MYO18B: variants seen among roughly 807,000 people sequenced by gnomAD.
MYO18B encodes the protein myosin XVIIIB.
MYO18B carries 204 observed loss-of-function variants against 273.0 expected under a neutral mutation model. That is an observed-to-expected ratio of 0.75 (90% CI 0.67 to 0.84). The LOEUF (loss-of-function observed/expected upper bound fraction) is 0.84, where lower values mean the gene tolerates loss of function less well. Ranked by LOEUF, MYO18B falls within the 40% of genes least tolerant of loss-of-function variation. The pLI, the probability that MYO18B is intolerant of heterozygous loss-of-function variation, is 0.00. For missense variants in MYO18B, 3,212 were observed against 3,287.6 expected, an observed-to-expected ratio of 0.98 and a Z score of 0.56; for synonymous variants, 1,330 against 1,305.7, an observed-to-expected ratio of 1.02 and a Z score of -0.40.
intron 22 of MYO18B, among the ~76,000 whole-genome samples, chr22:25,868,895 A>C (rs1451439910): frequency 1.3e-5 from 2 of 152,188 alleles, no homozygotes; most frequent in Admixed American, 1.3e-4. Context: ...GCTCTTCCAA[A>C]TATGCTCAGA....
At chr22:26,033,727 TCTCTTTTTCTCTCTTTCTCTCTCTCC>T (rs1936713478), downstream of MYO18B, among the ~76,000 whole-genome samples, 1 of 152,074 alleles carries the variant, frequency 6.6e-6, no homozygotes. Flanking sequence ...TTTCTTTCTT[TCTCTTTTTCTCTCTTTCTCTCTCTCC>T]CTCTTTTTCT....
At chr22:26,043,241 T>G in the MYO18B span, among the ~76,000 whole-genome samples, 1 of 152,214 alleles carries the variant, frequency 6.6e-6, no homozygotes, top group African/African-American at 2.4e-5. Context: ...GTAGTTTGTT[T>G]TTTTTATTGC....
At chr22:25,952,536 T>G in intron 38 of MYO18B, 113 bp downstream of exon 38, 1 of 1,361,524 alleles carries the variant, frequency 7.3e-7, no homozygotes. Flanking sequence ...CATCTAGATA[T>G]ACATTACTCA....
intron 42 of MYO18B, among the ~76,000 whole-genome samples, chr22:26,009,325 T>G (rs1379547830): frequency 6.6e-6 from 1 of 152,182 alleles, no homozygotes; most frequent in East Asian, 1.9e-4. Flanking sequence ...TAGTGTCACC[T>G]CTGTCTCTTG....
chr22:25,927,496 C>G (rs1326425821), intron 34 of MYO18B, among the ~76,000 whole-genome samples: 13 of 152,070 alleles, frequency 8.5e-5, no homozygotes, highest in Admixed American at 6.5e-5. Context: ...ATCTCAAAAC[C>G]CTGTCTCCTG....
At chr22:26,049,367 G>A in the MYO18B span, among the ~76,000 whole-genome samples, 1 of 152,150 alleles carries the variant, frequency 6.6e-6, no homozygotes, top group African/African-American at 2.4e-5. Context: ...ACAAACACAA[G>A]CGTCTGATTT....
chr22:25,977,264 G>T (rs996773934), intron 39 of MYO18B, among the ~76,000 whole-genome samples: 5 of 149,314 alleles, frequency 3.3e-5, no homozygotes, highest in African/African-American at 1.3e-4. Flanking sequence ...TTATTCAAGG[G>T]GTGATCCGAT....
chr22:25,795,202 T>C (rs1050146938), intron 11 of MYO18B, among the ~76,000 whole-genome samples: 5 of 152,220 alleles, frequency 3.3e-5, no homozygotes, highest in African/African-American at 7.2e-5. Flanking sequence ...ACTTATTCTG[T>C]TCACTTGACT....
At chr22:25,977,079 G>A (rs1324715867) in intron 39 of MYO18B, among the ~76,000 whole-genome samples, 2 of 152,136 alleles carry the variant, frequency 1.3e-5, no homozygotes, top group Non-Finnish European at 2.9e-5. Flanking sequence ...TTGAGGGGCC[G>A]ACTGTAGGAT....
intron 13 of MYO18B, among the ~76,000 whole-genome samples, chr22:25,825,050 T>TAC (rs2089441353): frequency 6.6e-6 from 1 of 152,020 alleles, no homozygotes; most frequent in East Asian, 1.9e-4. Flanking sequence ...ACCATACAAC[T>TAC]ACACACACAC....
Position 26,026,645 on chromosome 22 carries a change from C to A in MYO18B, c.6671C>A (p.Ala2224Asp), listed in dbSNP as rs758877751. The change falls in exon 43 of 44, where the codon GCT becomes GAT. Residue 2224 changes from alanine to aspartate, a missense_variant. Physicochemically the swap from Ala to Asp is moderately radical, Grantham distance 126. Transcript: ENST00000335473. ...AAGTCCACAGAGAGATTAGAACCTG[C>A]TTCCTCTCCCCTGGCTTCTCGGAGT... is the stretch of plus-strand genomic sequence containing the variant. The part of the protein sequence containing the change: ...QRKSTERLEP[A>D]SSPLASRSTN... The A allele has an allele frequency of 9.6e-5, 155 of 1,613,844 alleles. 2 individuals are homozygous for A. In the South Asian group the frequency reaches 1.5e-3, roughly 16 times the overall value.
chr22:25,773,229 G>C (rs113331725), intron 7 of MYO18B, among the ~76,000 whole-genome samples: 3,309 of 152,220 alleles, frequency 0.022, 101 homozygotes, highest in African/African-American at 0.074. Context: ...GTCTCCTACC[G>C]GGCCACGCAC....
Position 26,004,830 on chromosome 22 carries a change from A to G in MYO18B, c.6445A>G (p.Thr2149Ala). ...TMRTPSRQSATSSRILSPRIN... is the reference protein window; with the variant it reads ...TMRTPSRQSAASSRILSPRIN... ...GAGGACTCCTTCTCGACAGTCAGCC[A>G]CCAGCAGCCGCATCCTCAGCCCCAG... Residue 2149 changes from threonine to alanine, a missense_variant, in exon 42 of 44, where the codon ACC becomes GCC. Physicochemically the swap from Thr to Ala is moderately conservative, Grantham distance 58. Coordinates refer to ENST00000335473, the MANE Select transcript of MYO18B (RefSeq NM_032608.7). 6.2e-7 allele frequency: 1 copy of G among 1,613,808 alleles called. No individual in the cohort carries two copies.
chr22:26,027,781 C>T lies in MYO18B; in HGVS notation c.*12+91C>T. 7.5e-7 allele frequency: 1 copy of T among 1,339,282 alleles called. No individual in the cohort carries two copies. Among genetic ancestry groups the T allele is most frequent in the Non-Finnish European group, 1.0e-6 (1 of 1,002,196 alleles). The allele number at this position is 1,339,282 out of a possible 1,614,324, so 83.0% of individuals were successfully genotyped here. ...CAGGTGCCACTACTGTCCTTAATGC[C>T]ACAACCGATTTCTCTAGAGACCAAG... is the stretch of plus-strand genomic sequence containing the variant. On this transcript the variant is annotated intron_variant, in intron 43 of 43. Transcript: ENST00000335473. This position sits in a 1 kb window ranked among gnomAD's most constrained non-coding sequence, Gnocchi z 4.1.
At chr22:25,920,751 A>G (rs2092328428) in intron 33 of MYO18B, among the ~76,000 whole-genome samples, 1 of 152,232 alleles carries the variant, frequency 6.6e-6, no homozygotes, top group African/African-American at 2.4e-5. Context: ...TCATAAACTC[A>G]TAAAACAACA....
At chr22:26,041,352 C>CAAAAAA in the MYO18B span, among the ~76,000 whole-genome samples, 425 of 61,816 alleles carry the variant, frequency 6.9e-3, 1 homozygote, top group African/African-American at 9.6e-3. Context: ...CTGTCTCTAC[C>CAAAAAA]AAAAAAAAAA....
At chr22:25,984,049 TCTTTA>T (rs2093175820) in intron 39 of MYO18B, among the ~76,000 whole-genome samples, 1 of 152,230 alleles carries the variant, frequency 6.6e-6, no homozygotes, top group African/African-American at 2.4e-5. Context: ...ATTTCCCGTG[TCTTTA>T]CTTAGAAAGA....
At chr22:26,048,160 G>A in the MYO18B span, among the ~76,000 whole-genome samples, 8 of 152,184 alleles carry the variant, frequency 5.3e-5, no homozygotes, top group African/African-American at 4.8e-5. Flanking sequence ...ATTGGTCTGC[G>A]CGTTTTTTTG....
At chr22:25,998,985 C>T (rs78791635) in intron 40 of MYO18B, among the ~76,000 whole-genome samples, 3,154 of 152,228 alleles carry the variant, frequency 0.021, 43 homozygotes, top group Non-Finnish European at 0.03. Context: ...TCCAGCATTA[C>T]GGGAAATAAT....
Sources: gnomAD v4.1 joint callset for allele counts (sites outside exome capture counted in the v4.1 genomes callset) on GRCh38, gnomAD v4.1.1 for gene constraint, Gnocchi (gnomAD v3.1) non-coding constraint, MANE v1.5 for transcripts, NCBI Gene and HGNC (gene_info 2026-07-23, HGNC 2026-07-21) for gene names.